The following LEMD3 variants were observed in gnomAD, a reference collection of about 807,000 sequenced individuals.
LEMD3 encodes LEM domain containing 3.
Under a neutral mutation model 95.2 loss-of-function variants are expected in LEMD3, and 33 were observed. The observed-to-expected ratio is 0.35, with a 90% confidence interval of 0.26 to 0.46. The LOEUF (loss-of-function observed/expected upper bound fraction) is 0.46. LEMD3 is among the 20% of genes least tolerant of loss of function. The pLI, the probability that LEMD3 is intolerant of heterozygous loss-of-function variation, is 1.00. For missense variants in LEMD3, 1,210 were observed against 1,192.8 expected (o/e 1.01, Z -0.21); for synonymous variants, 525 against 474.6 (o/e 1.11, Z -1.38).
Position 65,213,213 on chromosome 12 carries a change from T to C in LEMD3, c.1560+2250T>C, listed in dbSNP as rs1450822131. ...CCCTTCTAGTATATAGACGGTCATT[T>C]AAACTGTTTGTTTGTTTGTTTGTTT... On this transcript the variant is annotated intron_variant, in intron 2 of 12. Transcript: ENST00000308330. Among the ~76,000 whole-genome samples the C allele has an allele frequency of 3.3e-5, 5 of 152,180 alleles. No individual in the cohort carries two copies. In the East Asian group the frequency reaches 9.6e-4, roughly 29 times the overall value.
intron 4 of LEMD3, among the ~76,000 whole-genome samples, chr12:65,226,758 T>C (rs1204192311): frequency 6.6e-6 from 1 of 152,222 alleles, no homozygotes; most frequent in Admixed American, 6.5e-5. Flanking sequence ...TCTCTGTGAA[T>C]GTGGGACTGC....
At chr12:65,194,848 G>GATTATAATTTATAAATTATAATTTAT (rs1869372263) in intron 1 of LEMD3, among the ~76,000 whole-genome samples, 8 of 139,330 alleles carry the variant, frequency 5.7e-5, no homozygotes, top group African/African-American at 1.3e-4. Flanking sequence ...TTATAATTTA[G>GATTATAATTTATAAATTATAATTTAT]ATTATAATTT....
chr12:65,205,574 T>C (rs994353282), intron 1 of LEMD3, among the ~76,000 whole-genome samples: 2 of 152,172 alleles, frequency 1.3e-5, no homozygotes, highest in Non-Finnish European at 2.9e-5. Context: ...CTTTCTGTTA[T>C]TTTTAAAGAA....
rs1870835287 is a variant in LEMD3, at chr12:65,238,437, AG to A, written c.1696-63del. ...AAATGTTATATAGAGTGTGTTATAA[AG>A]GATACTTTACAGAGAGTCGAATGTA... On this transcript the variant is annotated intron_variant, in intron 4 of 12. Coordinates refer to ENST00000308330, the MANE Select transcript of LEMD3 (RefSeq NM_014319.5). The A allele has an allele frequency of 1.4e-5, 14 of 967,762 alleles. 1 individual carries two copies. 59.9% of individuals were successfully genotyped at this position (967,762 alleles called of 1,614,324 possible).
chr12:65,234,828 A>G (rs1170633722), intron 4 of LEMD3, among the ~76,000 whole-genome samples: 1 of 152,106 alleles, frequency 6.6e-6, no homozygotes, highest in Non-Finnish European at 1.5e-5. Context: ...TTTTTTAAGG[A>G]TATTTGATGA....
intron 1 of LEMD3, among the ~76,000 whole-genome samples, chr12:65,182,043 CTG>C (rs1427150993): frequency 6.6e-6 from 1 of 151,956 alleles, no homozygotes; most frequent in Non-Finnish European, 1.5e-5. Flanking sequence ...CATACTATGT[CTG>C]TGAGAAAACG....
intron 6 of LEMD3, among the ~76,000 whole-genome samples, chr12:65,239,481 G>C (rs541048690): frequency 9.7e-4 from 148 of 152,254 alleles, no homozygotes; most frequent in African/African-American, 3.4e-3. Flanking sequence ...CCAGGAGTTG[G>C]AGGCTGCAGT....
intron 1 of LEMD3, among the ~76,000 whole-genome samples, chr12:65,192,589 CTTA>C (rs1246697862): frequency 6.6e-6 from 1 of 151,816 alleles, no homozygotes; most frequent in African/African-American, 2.4e-5. Flanking sequence ...AGTTGTTTAC[CTTA>C]TTATTTCTAG....
intron 1 of LEMD3, among the ~76,000 whole-genome samples, chr12:65,177,796 A>T (rs760546075): frequency 1.1e-4 from 17 of 152,092 alleles, no homozygotes; most frequent in Middle Eastern, 3.4e-3. Context: ...ATCTAAAATG[A>T]ATATGGGGAA....
chr12:65,221,666 G>A (rs1167482342), intron 4 of LEMD3, among the ~76,000 whole-genome samples: 1 of 150,766 alleles, frequency 6.6e-6, no homozygotes, highest in Non-Finnish European at 1.5e-5. Context: ...AGGATGTCTA[G>A]TGCTATGAGA....
chr12:65,228,140 A>G (rs1253092817), intron 4 of LEMD3, among the ~76,000 whole-genome samples: 1 of 151,998 alleles, frequency 6.6e-6, no homozygotes, highest in African/African-American at 2.4e-5. Context: ...TCTTCCAACC[A>G]TTTTCTTGTA....
chr12:65,182,054 C>T (rs191280513), intron 1 of LEMD3, among the ~76,000 whole-genome samples: 177 of 151,998 alleles, frequency 1.2e-3, no homozygotes, highest in South Asian at 2.7e-3. Context: ...TGTGAGAAAA[C>T]GGAAAGATAG....
chr12:65,180,894 G>GA (rs1043733713), intron 1 of LEMD3, among the ~76,000 whole-genome samples: 3 of 151,966 alleles, frequency 2.0e-5, no homozygotes, highest in African/African-American at 4.8e-5. Context: ...GACATGAATA[G>GA]AAAAAACCCT....
rs752653340 is a variant in LEMD3 at position 65,245,947 on chromosome 12, ATT to A, written c.2572+10_2572+11del. The A allele has an allele frequency of 6.3e-7, 1 of 1,587,236 alleles. No homozygotes were observed. Among genetic ancestry groups the A allele is most frequent in the African/African-American group, 1.3e-5 (1 of 74,482 alleles). On this transcript the variant is annotated intron_variant, in intron 12 of 12. Transcript: ENST00000308330. ...ATGGCTCTTGGTTTGATGGTAAGAA[ATT>A]TGAGTACTACAAACATTTTGAAAAG...
Position 65,221,540 on chromosome 12 carries a change from G to GT in LEMD3, c.1695+2922dup, listed in dbSNP as rs1870288786. Among the ~76,000 whole-genome samples the GT allele has an allele frequency of 1.5e-4, 23 of 151,928 alleles. No homozygotes were observed. In the South Asian group the frequency reaches 4.8e-3, roughly 32 times the overall value. On this transcript the variant is annotated intron_variant, in intron 4 of 12. Transcript: ENST00000308330. ...CCAGCCAAATAACAAGATTTTTTTG[G>GT]TGAAATCTTTAGGGCTTTCTATGTA...
intron 1 of LEMD3, among the ~76,000 whole-genome samples, chr12:65,207,168 G>A (rs1869788559): frequency 6.6e-6 from 1 of 152,144 alleles, no homozygotes; most frequent in South Asian, 2.1e-4. Flanking sequence ...TAGGAACTCA[G>A]TAAACATAAT....
Position 65,170,388 on chromosome 12 carries a change from GGAC to G in LEMD3, c.803_805del (p.Asp268del). 1.2e-6 allele frequency: 2 copies of G among 1,614,046 alleles called. No individual in the cohort carries two copies. Among genetic ancestry groups the G allele is most frequent in the Non-Finnish European group, 1.7e-6 (2 of 1,179,948 alleles). On this transcript the variant is annotated inframe_deletion, in exon 1 of 13. Coordinates refer to ENST00000308330, the MANE Select transcript of LEMD3 (RefSeq NM_014319.5). ...AAAACTATTCGGACTCAGAGGAAGA[GGAC>G]GACGACGACGTGGCCTCCAGCAGAC...
At position 65,210,933 on chromosome 12, in the gene LEMD3, C is replaced by A. The variant is rs749717670; in HGVS notation, c.1530C>A (p.Asn510Lys). The A allele has an allele frequency of 1.3e-6, 2 of 1,594,282 alleles. No homozygotes were observed. Among genetic ancestry groups the A allele is most frequent in the South Asian group, 1.1e-5 (1 of 90,710 alleles). Residue 510 changes from asparagine (N) to lysine (K), a missense_variant, in exon 2 of 13, where the codon AAC becomes AAA. Around this residue, in one of 2 missense-constraint regions of LEMD3, gnomAD observed 461 missense variants for 569.8 expected, o/e 0.81. Transcript: ENST00000308330. ...VSEDGELSIENPFGETFGKIQ... is the reference protein window; with the variant it reads ...VSEDGELSIEKPFGETFGKIQ... The stretch of plus-strand genomic sequence containing the variant: ...TTTTTCCTTCCTTGATAGTAGAAAA[C>A]CCCTTTGGTGAAACATTTGGAAAAA...
In LEMD3 at chr12:65,170,870, A is replaced by G. The variant is rs562992922; in HGVS notation, c.1274A>G (p.Asn425Ser). ...GCCGCCTCTAGTTCACTCAGGATCAATCACGCCAATCATACGGGCTCCAAT... is the reference window on the plus strand; with the variant it reads ...GCCGCCTCTAGTTCACTCAGGATCAGTCACGCCAATCATACGGGCTCCAAT... Reference protein sequence around the residue: ...AVAASSSLRINHANHTGSNHT... With the variant: ...AVAASSSLRISHANHTGSNHT... The change falls in exon 1 of 13, where the codon AAT becomes AGT. Residue 425 changes from asparagine to serine, a missense_variant. Around this residue, in one of 2 missense-constraint regions of LEMD3, gnomAD observed 749 missense variants for 622.9 expected, o/e 1.20. Transcript: ENST00000308330. The G allele has an allele frequency of 6.2e-6, 10 of 1,614,222 alleles. No individual in the cohort carries two copies. The highest frequency in any genetic ancestry group is 2.2e-5 in the East Asian group (1 of 44,880).
Sources: gnomAD v4.1 joint callset for allele counts (sites outside exome capture counted in the v4.1 genomes callset) on GRCh38, gnomAD v4.1.1 for gene constraint, gnomAD v4.1.1 regional missense constraint, MANE v1.5 for transcripts, NCBI Gene and HGNC (gene_info 2026-07-23, HGNC 2026-07-21) for gene names.